DHX57: variants seen among roughly 807,000 people sequenced by gnomAD.
DHX57 encodes putative ATP-dependent RNA helicase DHX57.
In DHX57, 105 loss-of-function variants were observed where a neutral mutation model predicts 156.2. The ratio of observed to expected loss-of-function variants is 0.67; its 90% CI spans 0.57 to 0.79. The LOEUF is 0.79. Among genes scored for constraint, DHX57 ranks in the 30% least tolerant of loss-of-function variants. DHX57 has a pLI of 0.00. For synonymous variants in DHX57, 704 were observed against 595.6 expected, an observed-to-expected ratio of 1.18 and a Z score of -2.65; for missense variants, 1,847 against 1,661.9, an observed-to-expected ratio of 1.11 and a Z score of -1.94.
chr2:38,851,356 T>G (rs1348726861), intron 9 of DHX57, among the ~76,000 whole-genome samples: 1 of 152,232 alleles, frequency 6.6e-6, no homozygotes, highest in Non-Finnish European at 1.5e-5. Context: ...TTTATTAAAA[T>G]TTCAAACTAA....
At chr2:38,816,329 C>T (rs1303723953) in intron 19 of DHX57, 2 of 433,734 alleles carry the variant, frequency 4.6e-6, no homozygotes, top group Non-Finnish European at 9.2e-6. Context: ...ATTCTCTTGC[C>T]TTAACCTCCC....
At position 38,826,188 on chromosome 2, in the gene DHX57, G is replaced by C. The variant is rs572949613; in HGVS notation, c.2814-141C>G. ...TATATTCTGGGATAGTTGAGCCCCT[G>C]GTAGGAGCAGCTAGTGCTGATTTAA... On this transcript the variant is annotated intron_variant, in intron 15 of 23. Transcript: ENST00000457308. The C allele has an allele frequency of 3.3e-6, 3 of 912,482 alleles. No homozygotes were observed. The East Asian group carries it at 8.0e-5, about 24-fold the overall frequency. The allele number at this position is 912,482 out of a possible 1,614,324, so 56.5% of individuals were successfully genotyped here. A position where few individuals can be genotyped will look rare whatever the true frequency, so the allele number is the denominator to read the frequency against.
intron 1 of DHX57, among the ~76,000 whole-genome samples, chr2:38,872,901 A>G (rs972414532): frequency 6.6e-6 from 1 of 152,150 alleles, no homozygotes; most frequent in East Asian, 1.9e-4. Context: ...AGAACACTCC[A>G]CCCAACAACG....
At chr2:38,875,529 C>A (rs1010858) in intron 1 of DHX57, among the ~76,000 whole-genome samples, 1 of 151,830 alleles carries the variant, frequency 6.6e-6, no homozygotes, top group Admixed American at 6.6e-5. Flanking sequence ...CACGCCCCGC[C>A]CCCCCCGGCC....
At chr2:38,864,295 A>C (rs1664929883) in intron 2 of DHX57, among the ~76,000 whole-genome samples, 2 of 151,534 alleles carry the variant, frequency 1.3e-5, no homozygotes, top group Non-Finnish European at 2.9e-5. Context: ...CTGTAATTCC[A>C]GCACTTTAAG....
intron 22 of DHX57, among the ~76,000 whole-genome samples, chr2:38,804,805 A>C (rs1233103689): frequency 1.3e-5 from 2 of 152,114 alleles, no homozygotes; most frequent in Non-Finnish European, 2.9e-5. Flanking sequence ...CTTGCTCTTC[A>C]TTTAGGATTT....
intron 3 of DHX57, 141 bp downstream of exon 3, chr2:38,863,220 T>C (rs1174259199): frequency 2.6e-5 from 22 of 836,946 alleles, no homozygotes; most frequent in East Asian, 2.7e-5. Context: ...ATTATTCTTG[T>C]ATTACTCTTG....
At chr2:38,832,069 A>G (rs1671411466) in intron 13 of DHX57, among the ~76,000 whole-genome samples, 1 of 152,154 alleles carries the variant, frequency 6.6e-6, no homozygotes, top group African/African-American at 2.4e-5. Context: ...GTGATACTGT[A>G]TTAGCCAACA....
Position 38,811,167 on chromosome 2 carries a change from G to A in DHX57, c.3681+2654C>T, listed in dbSNP as rs115402513. ...GGGTGCTTCAGAGTGACTGGGATGG[G>A]AATCCCATGTTTCTCTGCATATTCC... On this transcript the variant is annotated intron_variant, in intron 21 of 23. Coordinates refer to ENST00000457308, the MANE Select transcript of DHX57 (RefSeq NM_198963.3). The A allele has an allele frequency of 7.5e-3, 3,828 of 510,174 alleles. 31 individuals are homozygous for A. Among genetic ancestry groups the A allele is most frequent in the Non-Finnish European group, 0.011 (2,893 of 271,360 alleles). The allele number at this position is 510,174 out of a possible 1,614,324, so 31.6% of individuals were successfully genotyped here.
At chr2:38,847,160 A>C in intron 10 of DHX57, 87 bp from the exon 11 acceptor site, 1 of 1,066,798 alleles carries the variant, frequency 9.4e-7, no homozygotes. Context: ...ATTCTCTTAA[A>C]GCTTGTCATG....
At chr2:38,815,440 A>G in intron 20 of DHX57, 81 bp downstream of exon 20, 1 of 1,561,778 alleles carries the variant, frequency 6.4e-7, no homozygotes, top group Non-Finnish European at 8.8e-7. Context: ...AGTGAAGAAG[A>G]ATGTCTACAA....
At chr2:38,869,109 G>A (rs1665232743) in intron 1 of DHX57, among the ~76,000 whole-genome samples, 1 of 152,120 alleles carries the variant, frequency 6.6e-6, no homozygotes, top group Non-Finnish European at 1.5e-5. Flanking sequence ...GCCTAGCATA[G>A]GATTTTAAAA....
chr2:38,803,159 G>A (rs898842485), intron 22 of DHX57: 10 of 466,816 alleles, frequency 2.1e-5, no homozygotes, highest in South Asian at 4.6e-5. Context: ...AAATTTTTTC[G>A]TAGAGATAGG....
intron 22 of DHX57, among the ~76,000 whole-genome samples, chr2:38,805,906 CAGGAAG>C (rs2148531870): frequency 6.6e-6 from 1 of 151,980 alleles, no homozygotes; most frequent in East Asian, 1.9e-4. Context: ...TTTGGTGGTT[CAGGAAG>C]AGGGCATGAT....
chr2:38,861,566 T>C lies in DHX57; in HGVS notation c.844A>G (p.Thr282Ala), dbSNP rs1673212284. ...WTIGLELEYLTSRFRKSKPKE... is the reference protein window; with the variant it reads ...WTIGLELEYLASRFRKSKPKE... ...GGCTTGGATTTGCGGAATCTACTTG[T>C]CAGATACTCCAGTTCTAACCCAATG... is the stretch of plus-strand genomic sequence containing the variant. The change falls in exon 5 of 24, where the codon ACA becomes GCA. Residue 282 changes from threonine to alanine, a missense_variant. Thr to Ala is a moderately conservative substitution (Grantham distance 58, BLOSUM62 0). Transcript: ENST00000457308. 1 of 1,614,116 alleles carries C rather than the reference T, an allele frequency of 6.2e-7. No homozygotes were observed. Among genetic ancestry groups the C allele is most frequent in the African/African-American group, 1.3e-5 (1 of 74,944 alleles).
chr2:38,858,494 A>G (rs1673016565), intron 6 of DHX57, among the ~76,000 whole-genome samples, 167 bp downstream of exon 6: 1 of 152,264 alleles, frequency 6.6e-6, no homozygotes, highest in African/African-American at 2.4e-5. Context: ...TTCCAAAACC[A>G]TCTAGCATAT....
intron 12 of DHX57, chr2:38,838,824 C>T (rs1469726744): frequency 6.6e-6 from 3 of 454,856 alleles, no homozygotes; most frequent in Non-Finnish European, 1.3e-5. Flanking sequence ...ACGGAGTCTA[C>T]TCATAGACCC....
Position 38,805,440 on chromosome 2 carries a change from G to A in DHX57, c.3816+1119C>T, listed in dbSNP as rs548709140. On this transcript the variant is annotated intron_variant, in intron 22 of 23. Coordinates refer to ENST00000457308, the MANE Select transcript of DHX57 (RefSeq NM_198963.3). The stretch of plus-strand genomic sequence containing the variant: ...ATTGACATAGTCTAATTGATGTTTT[G>A]TAAAGGTAATTCTGGCAGCAGTAGA... Among the ~76,000 whole-genome samples the A allele has an allele frequency of 2.6e-3, 398 of 152,306 alleles. 1 individual carries two copies. The highest frequency in any genetic ancestry group is 4.9e-3 in the Non-Finnish European group (336 of 68,024).
chr2:38,823,992 C>A lies in DHX57; in HGVS notation c.3015-723G>T, dbSNP rs193016472. Among the ~76,000 whole-genome samples, 431 of 151,570 alleles carry A rather than the reference C, an allele frequency of 2.8e-3. 3 individuals are homozygous for A. The highest frequency in any genetic ancestry group is 9.9e-3 in the African/African-American group (410 of 41,402). ...TGCCACTGCACTCTAGCCTGGGTGA[C>A]TGAGCAAGACTCTGTTTCCACAAAA... is the stretch of plus-strand genomic sequence containing the variant. On this transcript the variant is annotated intron_variant, in intron 16 of 23. Transcript: ENST00000457308.
Sources: gnomAD v4.1 joint callset for allele counts (sites outside exome capture counted in the v4.1 genomes callset) on GRCh38, gnomAD v4.1.1 for gene constraint, MANE v1.5 for transcripts, NCBI Gene and HGNC (gene_info 2026-07-23, HGNC 2026-07-21) for gene names.